Variants in LOC400499 observed in about 807,000 individuals in gnomAD.
the LOC400499 span, chr16:11,425,079 T>G: frequency 1.3e-5 from 5 of 398,742 alleles, no homozygotes; most frequent in Non-Finnish European, 2.2e-5. Flanking sequence ...GCTCCAGGAC[T>G]TAGAAGTCTT....
chr16:11,416,174 T>A, the LOC400499 span, among the ~76,000 whole-genome samples: 15,583 of 151,990 alleles, frequency 0.1, 795 homozygotes, highest in Middle Eastern at 0.19. Flanking sequence ...AGTCTCGAAC[T>A]CCTGACCTCA....
chr16:11,398,507 C>G, the LOC400499 span: 1 of 1,232,198 alleles, frequency 8.1e-7, no homozygotes, highest in South Asian at 4.1e-5. Context: ...ATGGCCAATG[C>G]CTCTGGAATG....
At chr16:11,432,181 C>T in the LOC400499 span, among the ~76,000 whole-genome samples, 1 of 152,240 alleles carries the variant, frequency 6.6e-6, no homozygotes, top group African/African-American at 2.4e-5. Flanking sequence ...ACTGACTCAG[C>T]TGAAGGCTGA....
chr16:11,504,235 G>A, the LOC400499 span, among the ~76,000 whole-genome samples: 1 of 152,198 alleles, frequency 6.6e-6, no homozygotes, highest in Non-Finnish European at 1.5e-5. Flanking sequence ...ACGGATGGAG[G>A]CAAAGGGTCC....
chr16:11,513,412 A>AAAAAAAG, the LOC400499 span, among the ~76,000 whole-genome samples: 1 of 151,498 alleles, frequency 6.6e-6, no homozygotes, highest in Non-Finnish European at 1.5e-5. Flanking sequence ...TCTCCAAAAA[A>AAAAAAAG]AAAAAAATTT....
the LOC400499 span, chr16:11,390,084 T>C: frequency 1.6e-6 from 2 of 1,229,240 alleles, no homozygotes; most frequent in African/African-American, 3.1e-5. Context: ...CAGGATGCGC[T>C]ACTCTCAAAC....
At chr16:11,379,670 C>A in the LOC400499 span, among the ~76,000 whole-genome samples, 1 of 152,168 alleles carries the variant, frequency 6.6e-6, no homozygotes, top group African/African-American at 2.4e-5. Flanking sequence ...ACGGGACTTC[C>A]CGATGGGGAA....
the LOC400499 span, chr16:11,447,877 G>C: frequency 6.7e-7 from 1 of 1,496,556 alleles, no homozygotes; most frequent in Non-Finnish European, 8.9e-7. Context: ...GGGATGCTCC[G>C]TGCTAGAGAA....
the LOC400499 span, among the ~76,000 whole-genome samples, chr16:11,449,428 C>T: frequency 6.6e-6 from 1 of 152,184 alleles, no homozygotes; most frequent in African/African-American, 2.4e-5. Context: ...CCCTGAAGGG[C>T]ACATGCTGGC....
the LOC400499 span, among the ~76,000 whole-genome samples, chr16:11,421,974 G>A: frequency 1.3e-5 from 2 of 152,226 alleles, no homozygotes; most frequent in Admixed American, 6.5e-5. Flanking sequence ...TACATATGAT[G>A]TGGAGGGTTT....
At chr16:11,469,791 A>C in the LOC400499 span, 7 of 397,154 alleles carry the variant, frequency 1.8e-5, no homozygotes, top group Non-Finnish European at 3.1e-5. Context: ...GCAGAATTGT[A>C]AAGCTCTGCA....
At chr16:11,452,894 C>G in the LOC400499 span, among the ~76,000 whole-genome samples, 1 of 152,240 alleles carries the variant, frequency 6.6e-6, no homozygotes, top group East Asian at 1.9e-4. Flanking sequence ...CTCTGGATCT[C>G]CAGTTACTCC....
At chr16:11,384,797 C>T in the LOC400499 span, 253 of 1,139,484 alleles carry the variant, frequency 2.2e-4, 2 homozygotes, top group East Asian at 6.3e-3. Context: ...TCTGCATGCA[C>T]GGTAGCCCCC....
chr16:11,457,473 G>C, the LOC400499 span, among the ~76,000 whole-genome samples: 7 of 151,282 alleles, frequency 4.6e-5, no homozygotes, highest in Non-Finnish European at 1.0e-4. Flanking sequence ...GGCGCCTGTA[G>C]TCCCAGCTAC....
the LOC400499 span, among the ~76,000 whole-genome samples, chr16:11,520,299 C>T: frequency 1.3e-5 from 2 of 152,116 alleles, no homozygotes; most frequent in South Asian, 2.1e-4. Context: ...CAAAGGAAAA[C>T]ATCCTGTACA....
At chr16:11,372,381 G>C in the LOC400499 span, 1 of 152,280 alleles carries the variant, frequency 6.6e-6, no homozygotes, top group Non-Finnish European at 1.5e-5. Context: ...CCAAATGGCT[G>C]TTGAATAAGT....
chr16:11,436,859 G>A, the LOC400499 span, among the ~76,000 whole-genome samples: 1 of 152,040 alleles, frequency 6.6e-6, no homozygotes, highest in Non-Finnish European at 1.5e-5. Flanking sequence ...CTCCCAAAGT[G>A]CTGGGATTAC....
chr16:11,372,961 G>T, the LOC400499 span, among the ~76,000 whole-genome samples: 1 of 152,248 alleles, frequency 6.6e-6, no homozygotes, highest in Non-Finnish European at 1.5e-5. Context: ...GCGGTGCTAG[G>T]CCCAGCCTGC....
At chr16:11,450,966 A>G in the LOC400499 span, 1 of 704,604 alleles carries the variant, frequency 1.4e-6, no homozygotes, top group Non-Finnish European at 2.3e-6. Flanking sequence ...ACTTTCTAGG[A>G]CGTTGGTAAT....
Sources: allele counts gnomAD v4.1 joint callset (sites outside exome capture counted in the v4.1 genomes callset), GRCh38; gene constraint gnomAD v4.1.1; transcripts MANE v1.5.